The following STK33 variants were observed in gnomAD, a reference collection of about 807,000 sequenced individuals.
The protein encoded by STK33 is serine/threonine kinase 33.
In STK33, 52 loss-of-function variants were observed where a neutral mutation model predicts 58.0. The ratio of observed to expected loss-of-function variants is 0.90; its 90% confidence interval spans 0.72 to 1.13. STK33 has a LOEUF of 1.13. STK33 is among the 50% of genes most tolerant of loss of function. The pLI is 0.00. For synonymous variants in STK33, 215 were observed against 200.1 expected, an observed-to-expected ratio of 1.07 and a Z score of -0.63; for missense variants, 630 against 604.2, an observed-to-expected ratio of 1.04 and a Z score of -0.45.
chr11:8,589,613 A>G (rs1936876279), intron 1 of STK33, among the ~76,000 whole-genome samples: 1 of 152,194 alleles, frequency 6.6e-6, no homozygotes, highest in African/African-American at 2.4e-5. Context: ...CTATTTAACT[A>G]GTGTGCACTT....
At chr11:8,526,501 C>G (rs1954037873) in intron 1 of STK33, among the ~76,000 whole-genome samples, 1 of 152,114 alleles carries the variant, frequency 6.6e-6, no homozygotes, top group Admixed American at 6.6e-5. Context: ...AAAAATTTCT[C>G]TCTTAAGTAT....
At chr11:8,565,809 T>C (rs1300352573) in intron 1 of STK33, 1 of 152,252 alleles carries the variant, frequency 6.6e-6, no homozygotes, top group Non-Finnish European at 1.5e-5. Context: ...TGCTTCTGCC[T>C]ATCTCTAGCT....
chr11:8,553,669 T>C (rs1051169287), intron 1 of STK33, among the ~76,000 whole-genome samples: 1 of 152,150 alleles, frequency 6.6e-6, no homozygotes, highest in Non-Finnish European at 1.5e-5. Flanking sequence ...ACTGATGTTT[T>C]TTTTTACAAA....
intron 1 of STK33, among the ~76,000 whole-genome samples, chr11:8,514,421 A>C (rs1952596538): frequency 6.6e-6 from 1 of 152,240 alleles, no homozygotes; most frequent in African/African-American, 2.4e-5. Context: ...GCTGTAAAAA[A>C]TTAAACTAAA....
chr11:8,484,790 A>G (rs1950087033), intron 1 of STK33, among the ~76,000 whole-genome samples: 1 of 152,162 alleles, frequency 6.6e-6, no homozygotes, highest in African/African-American at 2.4e-5. Flanking sequence ...AGTTTTTGAA[A>G]CCTTGCAATG....
At chr11:8,356,327 G>A in the STK33 span, among the ~76,000 whole-genome samples, 25 of 152,146 alleles carry the variant, frequency 1.6e-4, no homozygotes, top group Non-Finnish European at 2.1e-4. Context: ...AGACCCAGGT[G>A]GCACTGGGCC....
chr11:8,583,021 T>C (rs1464272192), intron 1 of STK33, among the ~76,000 whole-genome samples: 2 of 152,260 alleles, frequency 1.3e-5, no homozygotes, highest in Non-Finnish European at 2.9e-5. Context: ...ACCCATTCCT[T>C]AATTTCCTCA....
chr11:8,351,660 G>T, the STK33 span, among the ~76,000 whole-genome samples: 1 of 152,270 alleles, frequency 6.6e-6, no homozygotes, highest in East Asian at 1.9e-4. Flanking sequence ...TCTCGGGGCA[G>T]GCCCCAGCAG....
chr11:8,457,484 CATT>C lies in STK33; in HGVS notation c.559-8_559-6del. The stretch of plus-strand genomic sequence containing the variant: ...CTCCATCACAAGGTACATTTTCTGA[CATT>C]ATATATATAAAAGAGAGAGAGAGCA... On this transcript the variant is annotated splice_region_variant and splice_polypyrimidine_tract_variant and intron_variant, in intron 8 of 15. Transcript: ENST00000687296. 6 of 1,587,058 alleles carry C rather than the reference CATT, an allele frequency of 3.8e-6. No homozygotes were observed. The highest frequency in any genetic ancestry group is 5.2e-6 in the Non-Finnish European group (6 of 1,161,448).
chr11:8,480,155 T>C (rs1395837958), intron 2 of STK33, among the ~76,000 whole-genome samples: 1 of 152,202 alleles, frequency 6.6e-6, no homozygotes, highest in African/African-American at 2.4e-5. Flanking sequence ...GGTGCCGATT[T>C]CCATCTAATA....
At chr11:8,378,527 GACAA>G in the STK33 span, among the ~76,000 whole-genome samples, 10 of 151,976 alleles carry the variant, frequency 6.6e-5, no homozygotes, top group African/African-American at 1.5e-4. Context: ...TCAAAAAACA[GACAA>G]ACAAACAAAC....
chr11:8,465,542 A>T (rs1029106671), intron 6 of STK33: 3 of 152,222 alleles, frequency 2.0e-5, no homozygotes, highest in Non-Finnish European at 2.9e-5. Flanking sequence ...ACTCATTTAC[A>T]CCTTCATTTC....
chr11:8,492,542 A>C (rs1246619262), intron 1 of STK33, among the ~76,000 whole-genome samples: 2 of 152,236 alleles, frequency 1.3e-5, no homozygotes, highest in South Asian at 2.1e-4. Context: ...GATCAACGAG[A>C]CAGAAAGTTA....
chr11:8,564,351 G>A (rs1957311350), intron 1 of STK33, among the ~76,000 whole-genome samples: 1 of 152,180 alleles, frequency 6.6e-6, no homozygotes, highest in African/African-American at 2.4e-5. Flanking sequence ...AAAGCCTTAT[G>A]GAAGAAAGCA....
intron 1 of STK33, among the ~76,000 whole-genome samples, chr11:8,580,275 C>A (rs1275527732): frequency 6.6e-6 from 1 of 152,048 alleles, no homozygotes; most frequent in East Asian, 1.9e-4. Flanking sequence ...CAATGGAGTA[C>A]TATTCAGCCA....
At chr11:8,453,501 TA>T in intron 10 of STK33, among the ~76,000 whole-genome samples, 1 of 152,320 alleles carries the variant, frequency 6.6e-6, no homozygotes, top group Middle Eastern at 3.4e-3. Context: ...ACAAGCATAT[TA>T]ACAGGAAAAA....
intron 1 of STK33, among the ~76,000 whole-genome samples, chr11:8,523,664 G>A (rs1046485656): frequency 6.6e-6 from 1 of 151,114 alleles, no homozygotes; most frequent in African/African-American, 2.4e-5. Context: ...GGAGGTGGGG[G>A]GCAGCCCCCG....
intron 1 of STK33, among the ~76,000 whole-genome samples, chr11:8,545,627 G>A (rs573891647): frequency 6.6e-6 from 1 of 152,122 alleles, no homozygotes; most frequent in African/African-American, 2.4e-5. Flanking sequence ...CATGTGCAAG[G>A]GACTGTATTA....
In STK33 at chr11:8,452,880, C is replaced by T. The variant is rs1173009897; in HGVS notation, c.813G>A (p.Lys271=). The change falls in exon 11 of 16, where the codon AAG becomes AAA. Residue 271 remains lysine, a synonymous_variant. Transcript: ENST00000687296. Reference sequence around the variant, plus strand: ...GCATGGCTTCACTCCTACTTTGCTTCTTCACCGCTAAGCCAAAATCAGTCA... The same window carrying T: ...GCATGGCTTCACTCCTACTTTGCTTTTTCACCGCTAAGCCAAAATCAGTCA... ...IKVTDFGLAV[K]KQSRSEAMLQ... 8.7e-6 allele frequency: 14 copies of T among 1,614,038 alleles called. No individual in the cohort carries two copies. The highest frequency in any genetic ancestry group is 5.3e-5 in the African/African-American group (4 of 74,926).
Sources: gnomAD v4.1 joint callset for allele counts (sites outside exome capture counted in the v4.1 genomes callset) on GRCh38, gnomAD v4.1.1 for gene constraint, MANE v1.5 for transcripts, NCBI Gene and HGNC (gene_info 2026-07-23, HGNC 2026-07-21) for gene names.